The following RARB variants were observed in gnomAD, a reference collection of about 807,000 sequenced individuals.
RARB encodes retinoic acid receptor beta.
A neutral mutation model predicts 51.9 loss-of-function variants in RARB; 17 were observed. The observed-to-expected ratio is 0.33, with a 90% CI of 0.22 to 0.49. The LOEUF (loss-of-function observed/expected upper bound fraction) is 0.49. RARB is among the 20% of genes least tolerant of loss of function. The pLI, the probability that RARB is intolerant of heterozygous loss-of-function variation, is 0.99. For missense variants in RARB, 369 were observed against 550.8 expected (o/e 0.67, Z 3.30); for synonymous variants, 215 against 195.4 (o/e 1.10, Z -0.84).
chr3:25,014,018 C>T (rs1156439484), intron 2 of RARB, among the ~76,000 whole-genome samples: 1 of 151,986 alleles, frequency 6.6e-6, no homozygotes, highest in East Asian at 1.9e-4. Flanking sequence ...TTTGAATTTC[C>T]TCCAACTTCA....
At chr3:25,249,469 T>G (rs1384826962) in intron 5 of RARB, among the ~76,000 whole-genome samples, 1 of 152,170 alleles carries the variant, frequency 6.6e-6, no homozygotes, top group African/African-American at 2.4e-5. Context: ...TGGAAAATTG[T>G]TGTGATCCTT....
intron 2 of RARB, among the ~76,000 whole-genome samples, chr3:24,879,478 A>T (rs183654989): frequency 9.2e-4 from 123 of 133,558 alleles, no homozygotes; most frequent in Non-Finnish European, 1.6e-3. Context: ...AGCAGAAAGG[A>T]TCTCCATTTT....
At chr3:25,132,540 T>C (rs996031121) in intron 4 of RARB, among the ~76,000 whole-genome samples, 9 of 151,908 alleles carry the variant, frequency 5.9e-5, no homozygotes, top group African/African-American at 1.9e-4. Flanking sequence ...CCCTGTATTA[T>C]TGCAATTGAT....
chr3:25,081,545 C>T (rs1358736964), intron 3 of RARB, among the ~76,000 whole-genome samples: 1 of 119,514 alleles, frequency 8.4e-6, no homozygotes, highest in Non-Finnish European at 1.7e-5. Context: ...TGTACATGTG[C>T]CTATTTCTCC....
At chr3:24,891,557 C>T (rs1207396717) in intron 2 of RARB, among the ~76,000 whole-genome samples, 1 of 152,146 alleles carries the variant, frequency 6.6e-6, no homozygotes, top group Admixed American at 6.6e-5. Flanking sequence ...TTACCCACCC[C>T]CATCTCTATA....
chr3:25,274,668 C>T lies in RARB; in HGVS notation c.178+100093C>T, dbSNP rs1430747451. Among the ~76,000 whole-genome samples, 4 of 152,276 alleles carry T rather than the reference C, an allele frequency of 2.6e-5. No individual in the cohort carries two copies. In the East Asian group the frequency reaches 5.8e-4, roughly 22 times the overall value. On this transcript the variant is annotated intron_variant, in intron 5 of 11. Coordinates refer to the RARB transcript ENST00000383772. Reference sequence around the variant, plus strand: ...ATTTTTTTTGTAGGTCAGCCTGGCTCTGCAGGGCTTTGGAGGGCTTAGTGG... The same window carrying T: ...ATTTTTTTTGTAGGTCAGCCTGGCTTTGCAGGGCTTTGGAGGGCTTAGTGG...
At chr3:24,964,860 G>A (rs146523837) in intron 2 of RARB, among the ~76,000 whole-genome samples, 316 of 152,222 alleles carry the variant, frequency 2.1e-3, no homozygotes, top group African/African-American at 7.5e-3. Flanking sequence ...CAGGGCTATT[G>A]GGTACCCTCA....
intron 2 of RARB, among the ~76,000 whole-genome samples, chr3:24,867,629 A>G (rs1319004687): frequency 6.6e-6 from 1 of 152,104 alleles, no homozygotes; most frequent in Non-Finnish European, 1.5e-5. Context: ...CATGGGAAGC[A>G]AACTTTGGGT....
intron 5 of RARB, among the ~76,000 whole-genome samples, chr3:25,223,530 A>T (rs1291802769): frequency 6.6e-6 from 1 of 152,208 alleles, no homozygotes; most frequent in Non-Finnish European, 1.5e-5. Context: ...AAGCTGAGTG[A>T]TGGCTGGAAC....
intron 2 of RARB, among the ~76,000 whole-genome samples, chr3:25,009,946 A>C (rs1427518105): frequency 3.3e-5 from 5 of 152,130 alleles, no homozygotes; most frequent in Admixed American, 6.6e-5. Context: ...ACTGACGTCA[A>C]AGCTGTTTCT....
chr3:25,298,318 G>T (rs1475877579), intron 5 of RARB, among the ~76,000 whole-genome samples: 3 of 151,906 alleles, frequency 2.0e-5, no homozygotes, highest in Non-Finnish European at 2.9e-5. Flanking sequence ...AAGTAGCTGG[G>T]GTTACAGCCA....
At chr3:25,530,081 G>A (rs1698835170) in intron 3 of RARB, among the ~76,000 whole-genome samples, 1 of 152,110 alleles carries the variant, frequency 6.6e-6, no homozygotes, top group Middle Eastern at 3.2e-3. Flanking sequence ...GACCTTGCTG[G>A]ATTGCAGCTG....
intron 5 of RARB, among the ~76,000 whole-genome samples, chr3:25,219,327 C>T (rs369301922): frequency 1.2e-4 from 18 of 152,146 alleles, no homozygotes; most frequent in Non-Finnish European, 2.2e-4. Flanking sequence ...TCTCAACCTA[C>T]CCTATTCTCA....
intron 5 of RARB, among the ~76,000 whole-genome samples, chr3:25,252,829 AG>A (rs1375381259): frequency 1.3e-5 from 2 of 152,158 alleles, no homozygotes; most frequent in East Asian, 3.9e-4. Flanking sequence ...AATTGATGAA[AG>A]CCCAACACAC....
chr3:25,508,633 G>C (rs143778937), intron 3 of RARB, among the ~76,000 whole-genome samples: 6 of 152,056 alleles, frequency 3.9e-5, no homozygotes, highest in Admixed American at 3.9e-4. Context: ...ATTTGTTCCC[G>C]TGTTAGATCC....
rs563516851 is a variant in RARB at position 25,268,692 on chromosome 3, A to G, written c.178+94117A>G. 6.6e-5 allele frequency among the ~76,000 whole-genome samples: 10 copies of G among 152,196 alleles called. 1 individual carries two copies. The South Asian group carries it at 2.1e-3, about 32-fold the overall frequency. ...TTCCCTTAGTCTGAGATCCACTTTT[A>G]CCCATTGTTCACTTTCTCATTTCAT... On this transcript the variant is annotated intron_variant, in intron 5 of 11. Transcript: ENST00000383772.
At chr3:24,879,383 C>T (rs925583715) in intron 2 of RARB, among the ~76,000 whole-genome samples, 8 of 150,822 alleles carry the variant, frequency 5.3e-5, no homozygotes, top group African/African-American at 7.3e-5. Flanking sequence ...GAGGCGAGAT[C>T]GCATCACTGC....
intron 5 of RARB, among the ~76,000 whole-genome samples, chr3:25,287,557 G>A (rs969365232): frequency 2.6e-5 from 4 of 152,186 alleles, no homozygotes; most frequent in South Asian, 4.1e-4. Context: ...AGACACTCTC[G>A]GCCTCCTTTA....
intron 2 of RARB, among the ~76,000 whole-genome samples, chr3:24,908,814 C>T (rs1052076220): frequency 6.6e-6 from 1 of 151,918 alleles, no homozygotes; most frequent in Non-Finnish European, 1.5e-5. Context: ...ATGAACATAC[C>T]TAGTAGACTC....
Sources: allele counts gnomAD v4.1 joint callset (sites outside exome capture counted in the v4.1 genomes callset), GRCh38; gene constraint gnomAD v4.1.1; transcripts MANE v1.5; gene names NCBI Gene and HGNC (gene_info 2026-07-23, HGNC 2026-07-21).